Variants in CD8B2 observed in about 807,000 individuals in gnomAD.
CD8B2 encodes CD8B family member 2, also known as T-cell surface glycoprotein CD8 beta-2 chain.
CD8B2 carries 11 observed loss-of-function variants against 23.7 expected under a neutral mutation model. The ratio of observed to expected loss-of-function variants is 0.46; its 90% CI spans 0.29 to 0.77. The LOEUF is 0.77. Among genes scored for constraint, CD8B2 ranks in the 30% least tolerant of loss-of-function variants. CD8B2 has a pLI of 0.09. For missense variants in CD8B2, 197 were observed against 270.5 expected, an observed-to-expected ratio of 0.73 and a Z score of 1.91; for synonymous variants, 90 against 109.3, an observed-to-expected ratio of 0.82 and a Z score of 1.10.
chr2:106,503,419 C>T (rs1296627286), intron 4 of CD8B2, among the ~76,000 whole-genome samples: 3 of 152,040 alleles, frequency 2.0e-5, no homozygotes, highest in Non-Finnish European at 4.4e-5. Context: ...TACAATTGTT[C>T]CCCACAGAGG....
intron 3 of CD8B2, among the ~76,000 whole-genome samples, chr2:106,500,559 A>AATAG (rs1553466756): frequency 6.6e-6 from 1 of 151,436 alleles, no homozygotes; most frequent in Non-Finnish European, 1.5e-5. Flanking sequence ...TAAATAAATA[A>AATAG]ATAATTAAAA....
intron 5 of CD8B2, among the ~76,000 whole-genome samples, chr2:106,532,993 G>T (rs1680012869): frequency 6.6e-6 from 1 of 152,220 alleles, no homozygotes; most frequent in Admixed American, 6.5e-5. Context: ...TGGCACCAGA[G>T]AATAAGCTGC....
intron 5 of CD8B2, among the ~76,000 whole-genome samples, chr2:106,526,741 C>A (rs546623373): frequency 1.3e-5 from 2 of 151,476 alleles, no homozygotes; most frequent in African/African-American, 4.9e-5. Flanking sequence ...ACCTCTGCCT[C>A]CTGGTTCAAG....
At chr2:106,491,314 G>A (rs1573327928) in intron 2 of CD8B2, 81 bp downstream of exon 2, 1 of 1,251,686 alleles carries the variant, frequency 8.0e-7, no homozygotes, top group Non-Finnish European at 1.1e-6. Context: ...CCAGGCTTCA[G>A]TGTGCCCCTG....
At chr2:106,489,548 C>T (rs1264558879) in intron 1 of CD8B2, among the ~76,000 whole-genome samples, 3 of 152,328 alleles carry the variant, frequency 2.0e-5, no homozygotes, top group Middle Eastern at 3.4e-3. Flanking sequence ...CCAACTCCTG[C>T]GTCTCTGCCC....
intron 2 of CD8B2, among the ~76,000 whole-genome samples, 189 bp downstream of exon 2, chr2:106,491,422 C>T (rs1432449247): frequency 3.3e-5 from 5 of 152,218 alleles, no homozygotes; most frequent in African/African-American, 1.2e-4. Context: ...ACATAGTTAG[C>T]TTCCTTAATG....
Position 106,509,783 on chromosome 2 carries a change from G to GT in CD8B2, c.*2843_*2844insT, listed in dbSNP as rs1200781282. ...CTATAGGGCCATTATGATGAAATAT[G>GT]CCCCCCAAACTCCATCCAGCTATCT... On this transcript the variant is annotated 3_prime_UTR_variant, in exon 6 of 6. Coordinates refer to ENST00000643224, the MANE Select transcript of CD8B2 (RefSeq NM_001349727.2). 1 of 152,164 alleles carries GT rather than the reference G, an allele frequency of 6.6e-6. No homozygotes were observed. Among genetic ancestry groups the GT allele is most frequent in the Non-Finnish European group, 1.5e-5 (1 of 68,034 alleles). The allele number at this position is 152,164 out of a possible 1,614,324, so 9.4% of individuals were successfully genotyped here. A position where few individuals can be genotyped will look rare whatever the true frequency, so the allele number is the denominator to read the frequency against.
chr2:106,505,809 G>A (rs1439251112), intron 5 of CD8B2, among the ~76,000 whole-genome samples: 4 of 152,130 alleles, frequency 2.6e-5, no homozygotes, highest in Non-Finnish European at 5.9e-5. Context: ...TAACTTGAGT[G>A]TAGCTGTCTC....
At chr2:106,512,634 G>T (rs11676707), downstream of CD8B2, among the ~76,000 whole-genome samples, 1 of 151,780 alleles carries the variant, frequency 6.6e-6, no homozygotes, top group Non-Finnish European at 1.5e-5. Context: ...TAGTAGAGAT[G>T]AGGTCTCGCT....
intron 5 of CD8B2, among the ~76,000 whole-genome samples, chr2:106,535,588 A>T (rs565843692): frequency 1.3e-5 from 2 of 152,166 alleles, no homozygotes; most frequent in East Asian, 1.9e-4. Context: ...ATACAATTTT[A>T]AAAATTCTTG....
intron 5 of CD8B2, among the ~76,000 whole-genome samples, chr2:106,539,385 T>G (rs947384587): frequency 2.0e-5 from 3 of 152,230 alleles, no homozygotes; most frequent in Non-Finnish European, 2.9e-5. Context: ...TATTTATATT[T>G]CTAAAATTTA....
At chr2:106,532,390 A>G (rs2104573967) in intron 5 of CD8B2, among the ~76,000 whole-genome samples, 1 of 152,266 alleles carries the variant, frequency 6.6e-6, no homozygotes, top group Middle Eastern at 3.4e-3. Flanking sequence ...TATTGGTGTT[A>G]CTGGAAAGGA....
In CD8B2 at chr2:106,491,019, T is replaced by C. The variant is rs888499617; in HGVS notation, c.189T>C (p.Ser63=). ...TGAGACAGCGCCAGGCCCCGAGCAG[T>C]GATAGTCACCACGAGTTCCTGACCC... The part of the protein sequence containing the change: ...YWLRQRQAPS[S]DSHHEFLTLW... The change falls in exon 2 of 6, where the codon AGT becomes AGC. Residue 63 remains serine (S), a synonymous_variant. Coordinates refer to ENST00000643224, the MANE Select transcript of CD8B2 (RefSeq NM_001349727.2). 1 of 1,613,916 alleles carries C rather than the reference T, an allele frequency of 6.2e-7. No individual in the cohort carries two copies. Among genetic ancestry groups the C allele is most frequent in the Non-Finnish European group, 8.5e-7 (1 of 1,179,844 alleles).
chr2:106,542,355 G>A (rs1474619763), intron 5 of CD8B2, among the ~76,000 whole-genome samples: 2 of 152,146 alleles, frequency 1.3e-5, no homozygotes, highest in African/African-American at 2.4e-5. Context: ...CATATGAGGT[G>A]CTCAAAGGCA....
downstream of CD8B2, among the ~76,000 whole-genome samples, chr2:106,513,166 C>T (rs1425950472): frequency 2.6e-5 from 4 of 151,368 alleles, no homozygotes; most frequent in Admixed American, 6.6e-5. Context: ...GAGGACCACT[C>T]GGGATGTTTA....
chr2:106,522,440 A>G (rs1279708128), intron 5 of CD8B2, among the ~76,000 whole-genome samples: 3 of 152,222 alleles, frequency 2.0e-5, no homozygotes, highest in Non-Finnish European at 4.4e-5. Flanking sequence ...CACCTGGCAA[A>G]TTAAACTCAG....
At chr2:106,515,829 C>T (rs1573342831), downstream of CD8B2, among the ~76,000 whole-genome samples, 1 of 149,252 alleles carries the variant, frequency 6.7e-6, no homozygotes, top group Non-Finnish European at 1.5e-5. Context: ...TTAGACTCCT[C>T]TTTTTTTTTT....
At chr2:106,517,311 C>T (rs947943399) in intron 5 of CD8B2, among the ~76,000 whole-genome samples, 2 of 152,100 alleles carry the variant, frequency 1.3e-5, no homozygotes, top group African/African-American at 4.8e-5. Context: ...TTCGGGACCC[C>T]ATTTCAAGTT....
At chr2:106,541,687 T>G (rs1680176722) in intron 5 of CD8B2, among the ~76,000 whole-genome samples, 1 of 152,226 alleles carries the variant, frequency 6.6e-6, no homozygotes, top group South Asian at 2.1e-4. Flanking sequence ...ACATATTGTA[T>G]GTATGTTTGC....
Sources: allele counts gnomAD v4.1 joint callset (sites outside exome capture counted in the v4.1 genomes callset), GRCh38; gene constraint gnomAD v4.1.1; transcripts MANE v1.5; gene names NCBI Gene and HGNC (gene_info 2026-07-23, HGNC 2026-07-21).